The following COL18A1 variants were observed in gnomAD, a reference collection of about 807,000 sequenced individuals.
COL18A1 encodes the protein collagen type XVIII alpha 1 chain.
In COL18A1, 133 loss-of-function variants were observed where a neutral mutation model predicts 168.0. The ratio of observed to expected loss-of-function variants is 0.79; its 90% CI spans 0.69 to 0.91. COL18A1 has a LOEUF of 0.91. Among genes scored for constraint, COL18A1 ranks in the 40% least tolerant of loss-of-function variants. COL18A1 has a pLI of 0.00. For synonymous variants in COL18A1, 949 were observed against 809.0 expected (o/e 1.17, Z -2.94); for missense variants, 2,126 against 1,925.4 (o/e 1.10, Z -1.95).
intron 15 of COL18A1, among the ~76,000 whole-genome samples, chr21:45,486,156 A>T (rs913804075): frequency 6.6e-6 from 1 of 152,102 alleles, no homozygotes; most frequent in Admixed American, 6.5e-5. Context: ...CCTGCTTCTC[A>T]CGGCTTTCGG....
At chr21:45,441,019 C>T (rs2034355978) in intron 2 of COL18A1, among the ~76,000 whole-genome samples, 1 of 152,232 alleles carries the variant, frequency 6.6e-6, no homozygotes, top group Non-Finnish European at 1.5e-5. Context: ...ATGGAGACCT[C>T]ACTGCTTGCC....
intron 2 of COL18A1, among the ~76,000 whole-genome samples, chr21:45,451,743 G>A (rs945735838): frequency 6.6e-6 from 1 of 152,162 alleles, no homozygotes. Flanking sequence ...GCAATAGGGT[G>A]GGGGCACTTC....
intron 32 of COL18A1, among the ~76,000 whole-genome samples, chr21:45,500,911 T>G (rs200717636): frequency 0.11 from 329 of 3,100 alleles, 1 homozygote; most frequent in African/African-American, 0.15. Context: ...TGGGGGTGTG[T>G]TTTGGTGTGT....
intron 4 of COL18A1, among the ~76,000 whole-genome samples, chr21:45,475,201 G>A (rs775762303): frequency 8.5e-5 from 13 of 152,130 alleles, no homozygotes; most frequent in South Asian, 4.1e-4. Flanking sequence ...TCCCCCTCCC[G>A]CCTCCGCATG....
rs373318899 is a variant in COL18A1, at chr21:45,491,257, G to A, written c.2100G>A (p.Pro700=). The change falls in exon 22 of 42, where the codon CCG becomes CCA. Residue 700 remains proline, a synonymous_variant. Transcript: ENST00000651438. ...CAGGGAAGGACGGAGTCGGGCAGCCGGGCCTCCCTGGCCCCCCCGGACCCC... is the reference window on the plus strand; with the variant it reads ...CAGGGAAGGACGGAGTCGGGCAGCCAGGCCTCCCTGGCCCCCCCGGACCCC... ...GDPGKDGVGQ[P]GLPGPPGPPG... is the part of the protein sequence containing the mutation. 3.3e-5 allele frequency: 53 copies of A among 1,612,340 alleles called. No homozygotes were observed. Among genetic ancestry groups the A allele is most frequent in the Non-Finnish European group, 4.1e-5 (48 of 1,179,774 alleles).
At chr21:45,409,511 G>C (rs551375539) in intron 2 of COL18A1, among the ~76,000 whole-genome samples, 1 of 151,986 alleles carries the variant, frequency 6.6e-6, no homozygotes, top group Non-Finnish European at 1.5e-5. Flanking sequence ...CCTTTTCAAG[G>C]CCCAGGCACC....
In COL18A1 at chr21:45,512,603, GAC is replaced by G; in HGVS notation, c.*207_*208del. The G allele has an allele frequency of 1.6e-6, 1 of 617,150 alleles. No homozygotes were observed. The highest frequency in any genetic ancestry group is 2.8e-6 in the Non-Finnish European group (1 of 352,146). The allele number at this position is 617,150 out of a possible 1,614,324, so 38.2% of individuals were successfully genotyped here. ...AAGTTTAAAACAGAAGCCTGATGCT[GAC>G]ATTCACCTGCCCCAACTCTCCCCTG... is the stretch of plus-strand genomic sequence containing the variant. On this transcript the variant is annotated 3_prime_UTR_variant, in exon 42 of 42. Transcript: ENST00000651438.
intron 20 of COL18A1, among the ~76,000 whole-genome samples, 168 bp downstream of exon 20, chr21:45,490,514 G>T (rs2036288401): frequency 6.7e-6 from 1 of 149,370 alleles, no homozygotes; most frequent in Non-Finnish European, 1.5e-5. Flanking sequence ...GGGCCTCCGT[G>T]TGCCCACTCC....
At chr21:45,495,455 ACTGGGTGG>A in intron 29 of COL18A1, 23 bp downstream of exon 29, 1 of 1,587,260 alleles carries the variant, frequency 6.3e-7, no homozygotes. Context: ...CAAGGGGCGG[ACTGGGTGG>A]CTGGGAGACC....
chr21:45,486,640 G>A (rs1602521065), intron 15 of COL18A1, among the ~76,000 whole-genome samples: 1 of 152,214 alleles, frequency 6.6e-6, no homozygotes, highest in Non-Finnish European at 1.5e-5. Flanking sequence ...GACCAAGTTC[G>A]GGCTCCGTGG....
At chr21:45,512,044 T>G (rs1721474738) in intron 41 of COL18A1, 144 bp from the exon 42 acceptor site, 5 of 846,414 alleles carry the variant, frequency 5.9e-6, no homozygotes, top group Middle Eastern at 3.2e-4. Context: ...GGAGGCCATG[T>G]GGCCCTCCAG....
chr21:45,505,734 C>A, intron 36 of COL18A1, 104 bp from the exon 37 acceptor site: 2 of 960,504 alleles, frequency 2.1e-6, no homozygotes, highest in Non-Finnish European at 3.2e-6. Flanking sequence ...CTGTCCAAAG[C>A]CCTGCGGCCC....
In COL18A1 at chr21:45,496,516, C is replaced by G; in HGVS notation, c.2525C>G (p.Pro842Arg). 2 of 1,498,388 alleles carry G rather than the reference C, an allele frequency of 1.3e-6. No individual in the cohort carries two copies. The highest frequency in any genetic ancestry group is 2.3e-5 in the South Asian group (2 of 88,878). 92.8% of individuals were successfully genotyped at this position (1,498,388 alleles called of 1,614,324 possible). A position where few individuals can be genotyped will look rare whatever the true frequency, so the allele number is the denominator to read the frequency against. The change falls in exon 30 of 42, where the codon CCA becomes CGA. Residue 842 changes from proline (P) to arginine (R), a missense_variant. Transcript: ENST00000651438. ...GFGMRGMPGP[P>R]GPPGPPGPPG... ...TCCCCACAGGGAATGCCCGGCCCCC[C>G]AGGACCTCCAGGGCCCCCAGGCCCT...
At chr21:45,424,951 G>T (rs2033743991) in intron 2 of COL18A1, 1 of 152,256 alleles carries the variant, frequency 6.6e-6, no homozygotes, top group African/African-American at 2.4e-5. Flanking sequence ...TCCACTGAGG[G>T]TCCAAACCGG....
chr21:45,480,202 C>T, intron 11 of COL18A1, 46 bp downstream of exon 11: 1 of 1,219,780 alleles, frequency 8.2e-7, no homozygotes, highest in Non-Finnish European at 1.2e-6. Context: ...CTGCCCTCCT[C>T]AAAAGCAGGC....
At chr21:45,452,356 CAT>C (rs4050750) in intron 2 of COL18A1, among the ~76,000 whole-genome samples, 19,592 of 152,206 alleles carry the variant, frequency 0.13, 1,446 homozygotes, top group East Asian at 0.21. Context: ...CACTCTGTGA[CAT>C]GTGTAAGCAT....
intron 13 of COL18A1, among the ~76,000 whole-genome samples, 187 bp downstream of exon 13, chr21:45,481,045 G>A (rs543007047): frequency 4.2e-4 from 64 of 152,334 alleles, no homozygotes; most frequent in African/African-American, 1.5e-3. Flanking sequence ...AAGCACCTGA[G>A]TGGCCACCCC....
chr21:45,494,854 T>A lies in COL18A1; in HGVS notation c.2380-8T>A. ...GCCCCACTAAGCCTGGCCCCCTTCC[T>A]CTTGCAGGGTCCATACGGACGGCCG... On this transcript the variant is annotated splice_polypyrimidine_tract_variant and splice_region_variant and intron_variant, in intron 27 of 41. Coordinates refer to ENST00000651438, the MANE Select transcript of COL18A1 (RefSeq NM_001379500.1). The A allele has an allele frequency of 6.2e-7, 1 of 1,607,174 alleles. No homozygotes were observed. The highest frequency in any genetic ancestry group is 8.5e-7 in the Non-Finnish European group (1 of 1,177,322).
chr21:45,405,324 TCCTGCGGGGGTCGCGG>T (rs1233826034), intron 1 of COL18A1, 39 bp from the exon 2 acceptor site: 1 of 941,874 alleles, frequency 1.1e-6, no homozygotes, highest in Non-Finnish European at 1.3e-6. Context: ...CTCGGCCGGG[TCCTGCGGGGGTCGCGG>T]GGGTCCTGCG....
Sources: allele counts gnomAD v4.1 joint callset (sites outside exome capture counted in the v4.1 genomes callset), GRCh38; gene constraint gnomAD v4.1.1; transcripts MANE v1.5; gene names NCBI Gene and HGNC (gene_info 2026-07-23, HGNC 2026-07-21).